The following ARHGAP10 variants were observed in gnomAD, a reference collection of about 807,000 sequenced individuals.
ARHGAP10 encodes the protein Rho GTPase activating protein 10.
Under a neutral mutation model 108.6 loss-of-function variants are expected in ARHGAP10, and 87 were observed. The ratio of observed to expected loss-of-function variants is 0.80; its 90% CI spans 0.67 to 0.96. The LOEUF is 0.96. Among genes scored for constraint, ARHGAP10 ranks in the 40% least tolerant of loss-of-function variants. The pLI, the probability that ARHGAP10 is intolerant of heterozygous loss-of-function variation, is 0.00. For synonymous variants in ARHGAP10, 347 were observed against 341.1 expected, an observed-to-expected ratio of 1.02 and a Z score of -0.19; for missense variants, 939 against 954.5, an observed-to-expected ratio of 0.98 and a Z score of 0.21.
chr4:147,885,735 C>A (rs564358083), intron 10 of ARHGAP10, among the ~76,000 whole-genome samples: 8 of 152,348 alleles, frequency 5.3e-5, no homozygotes, highest in African/African-American at 1.9e-4. Flanking sequence ...TCTTGGTCCT[C>A]TCCAGTTCAG....
At chr4:147,806,148 G>A (rs1731775178) in intron 1 of ARHGAP10, among the ~76,000 whole-genome samples, 1 of 152,094 alleles carries the variant, frequency 6.6e-6, no homozygotes, top group South Asian at 2.1e-4. Context: ...GGGCAGATTT[G>A]CAATGCTGAG....
At chr4:147,971,599 G>T (rs1401929590) in intron 18 of ARHGAP10, among the ~76,000 whole-genome samples, 1 of 152,184 alleles carries the variant, frequency 6.6e-6, no homozygotes. Context: ...TCGGGTATGG[G>T]AGACCATGTA....
chr4:147,951,599 A>G (rs1360908322), intron 15 of ARHGAP10, among the ~76,000 whole-genome samples: 1 of 150,146 alleles, frequency 6.7e-6, no homozygotes. Flanking sequence ...TTTTTCTTTT[A>G]TTTTTCAATT....
At chr4:147,951,347 A>G (rs1046029899) in intron 15 of ARHGAP10, among the ~76,000 whole-genome samples, 2 of 150,016 alleles carry the variant, frequency 1.3e-5, no homozygotes, top group African/African-American at 4.9e-5. Context: ...CAAACCCCCT[A>G]AAGACTTACT....
At chr4:147,998,916 C>A (rs374614012) in intron 18 of ARHGAP10, among the ~76,000 whole-genome samples, 2 of 152,006 alleles carry the variant, frequency 1.3e-5, no homozygotes, top group Non-Finnish European at 2.9e-5. Context: ...TTAACTATTG[C>A]CCTGGAAGAA....
At chr4:147,976,250 G>A (rs1285617717) in intron 18 of ARHGAP10, among the ~76,000 whole-genome samples, 2 of 152,174 alleles carry the variant, frequency 1.3e-5, no homozygotes, top group Admixed American at 6.5e-5. Context: ...AAAACATCTA[G>A]CCAAAAATGC....
At chr4:147,824,863 T>G (rs777597760) in intron 3 of ARHGAP10, among the ~76,000 whole-genome samples, 6 of 152,204 alleles carry the variant, frequency 3.9e-5, no homozygotes, top group Non-Finnish European at 5.9e-5. Flanking sequence ...AGCCAGGAGC[T>G]GTTCTAAGCT....
chr4:147,981,055 T>C lies in ARHGAP10; in HGVS notation c.1716+14216T>C, dbSNP rs967632433. On this transcript the variant is annotated intron_variant, in intron 18 of 22. Coordinates refer to ENST00000336498, the MANE Select transcript of ARHGAP10 (RefSeq NM_024605.4). ...ATCTTTAGTATGGTATTTTTGGGTCTTGGTTTCATTTAGTTCTGCTCTGAT... is the reference window on the plus strand; with the variant it reads ...ATCTTTAGTATGGTATTTTTGGGTCCTGGTTTCATTTAGTTCTGCTCTGAT... 2.0e-5 allele frequency among the ~76,000 whole-genome samples: 3 copies of C among 152,192 alleles called. No homozygotes were observed. The East Asian group carries it at 5.8e-4, about 29-fold the overall frequency.
chr4:147,969,743 G>A lies in ARHGAP10; in HGVS notation c.1716+2904G>A, dbSNP rs932407889. On this transcript the variant is annotated intron_variant, in intron 18 of 22. Coordinates refer to ENST00000336498, the MANE Select transcript of ARHGAP10 (RefSeq NM_024605.4). ...CTTACAGGAATTTTCCAGTAGCGTC[G>A]GCAAGCCTGTTACAATAGTTACAGC... Among the ~76,000 whole-genome samples the A allele has an allele frequency of 7.9e-5, 12 of 152,090 alleles. No homozygotes were observed. In the East Asian group the frequency reaches 2.3e-3, roughly 29 times the overall value.
chr4:147,893,713 T>C (rs1735880178), intron 10 of ARHGAP10, among the ~76,000 whole-genome samples: 1 of 151,868 alleles, frequency 6.6e-6, no homozygotes, highest in Non-Finnish European at 1.5e-5. Flanking sequence ...GTCTTGACTC[T>C]TCCATGTGAT....
intron 19 of ARHGAP10, among the ~76,000 whole-genome samples, chr4:148,040,374 C>T (rs1420102055): frequency 6.6e-6 from 1 of 152,122 alleles, no homozygotes; most frequent in Non-Finnish European, 1.5e-5. Context: ...CAGGGTCTTG[C>T]TCTGTTGCCC....
chr4:147,964,925 T>A (rs1739148277), intron 16 of ARHGAP10, 99 bp from the exon 17 acceptor site: 1 of 792,166 alleles, frequency 1.3e-6, no homozygotes, highest in Non-Finnish European at 1.9e-6. Context: ...GAGGAGCTGT[T>A]GTCATTGTCT....
At chr4:147,821,453 G>A (rs1372681322) in intron 1 of ARHGAP10, among the ~76,000 whole-genome samples, 2 of 152,132 alleles carry the variant, frequency 1.3e-5, no homozygotes, top group Non-Finnish European at 2.9e-5. Context: ...AATCCTGTAT[G>A]ATCCAAAAGT....
chr4:147,805,179 A>G (rs1003487195), intron 1 of ARHGAP10, among the ~76,000 whole-genome samples: 1 of 152,164 alleles, frequency 6.6e-6, no homozygotes, highest in Non-Finnish European at 1.5e-5. Context: ...GTCTAGTTTC[A>G]GTCTTCTGCC....
At chr4:147,857,699 C>A in intron 5 of ARHGAP10, 45 bp downstream of exon 5, 6 of 1,348,910 alleles carry the variant, frequency 4.4e-6, no homozygotes, top group South Asian at 1.7e-5. Flanking sequence ...ATTTGATAAG[C>A]AATACATGTC....
At chr4:147,890,216 A>G (rs1579165105) in intron 10 of ARHGAP10, among the ~76,000 whole-genome samples, 1 of 152,222 alleles carries the variant, frequency 6.6e-6, no homozygotes, top group Non-Finnish European at 1.5e-5. Context: ...GAGTTGTTTT[A>G]GTACTTTACT....
intron 13 of ARHGAP10, among the ~76,000 whole-genome samples, chr4:147,928,781 G>A (rs1463672306): frequency 1.3e-5 from 2 of 152,212 alleles, no homozygotes; most frequent in African/African-American, 2.4e-5. Context: ...ACATTTATAT[G>A]TATCGTGCCT....
chr4:147,900,470 G>A lies in ARHGAP10; in HGVS notation c.1035-6168G>A, dbSNP rs537949138. ...CTTTTTCACTTGGTTTATTTTTTTCGTTCATGAAATTTATACTTTTGCCTG... is the reference window on the plus strand; with the variant it reads ...CTTTTTCACTTGGTTTATTTTTTTCATTCATGAAATTTATACTTTTGCCTG... On this transcript the variant is annotated intron_variant, in intron 10 of 22. Transcript: ENST00000336498. Among the ~76,000 whole-genome samples, 152 of 151,666 alleles carry A rather than the reference G, an allele frequency of 1.0e-3. 1 individual carries two copies. The highest frequency in any genetic ancestry group is 1.7e-3 in the Non-Finnish European group (118 of 67,870).
chr4:147,884,223 T>C (rs1157426380), intron 10 of ARHGAP10, among the ~76,000 whole-genome samples: 2 of 152,192 alleles, frequency 1.3e-5, no homozygotes, highest in East Asian at 3.8e-4. Flanking sequence ...CCAATTTTCT[T>C]TTCTTTTTTT....
Sources: allele counts gnomAD v4.1 joint callset (sites outside exome capture counted in the v4.1 genomes callset), GRCh38; gene constraint gnomAD v4.1.1; transcripts MANE v1.5; gene names NCBI Gene and HGNC (gene_info 2026-07-23, HGNC 2026-07-21).